The following CCDC178 variants were observed in gnomAD, a reference collection of about 807,000 sequenced individuals.
CCDC178 encodes coiled-coil domain-containing protein 178.
CCDC178 carries 126 observed loss-of-function variants against 117.4 expected under a neutral mutation model. The ratio of observed to expected loss-of-function variants is 1.07; its 90% CI spans 0.93 to 1.24. The LOEUF (loss-of-function observed/expected upper bound fraction) is 1.24. CCDC178 is among the 50% of genes most tolerant of loss of function. The pLI, the probability that CCDC178 is intolerant of heterozygous loss-of-function variation, is 0.00. For missense variants in CCDC178, 1,030 were observed against 986.9 expected (o/e 1.04, Z -0.59); for synonymous variants, 283 against 313.4 (o/e 0.90, Z 1.02).
intron 22 of CCDC178, among the ~76,000 whole-genome samples, chr18:32,970,698 T>C (rs1327422675): frequency 1.3e-5 from 2 of 152,062 alleles, no homozygotes; most frequent in African/African-American, 2.4e-5. Flanking sequence ...ACATAGGGTA[T>C]TATCAAGCCC....
rs533906147 is a variant in CCDC178 at position 33,054,540 on chromosome 18, C to T, written c.2388+38221G>A. The stretch of plus-strand genomic sequence containing the variant: ...TGCAGTGTTTGGTTTTCTCTTCCTG[C>T]GTTAGTTTGATGAGGATAATGGCTT... On this transcript the variant is annotated intron_variant, in intron 21 of 22. Transcript: ENST00000383096. 3.9e-5 allele frequency among the ~76,000 whole-genome samples: 6 copies of T among 152,248 alleles called. No individual in the cohort carries two copies. In the East Asian group the frequency reaches 1.2e-3, roughly 29 times the overall value.
intron 6 of CCDC178, among the ~76,000 whole-genome samples, chr18:33,368,804 T>C (rs1218143038): frequency 6.6e-6 from 1 of 152,024 alleles, no homozygotes; most frequent in East Asian, 1.9e-4. Context: ...AAACATAATG[T>C]CTGACTTATA....
At chr18:33,147,957 C>T (rs1479086582) in intron 20 of CCDC178, among the ~76,000 whole-genome samples, 1 of 151,982 alleles carries the variant, frequency 6.6e-6, no homozygotes, top group Non-Finnish European at 1.5e-5. Context: ...CAGAGGCGCC[C>T]CCACCTCCCG....
chr18:33,056,338 T>C (rs7238775), intron 21 of CCDC178, among the ~76,000 whole-genome samples: 21,682 of 152,222 alleles, frequency 0.14, 2,398 homozygotes, highest in African/African-American at 0.31. Flanking sequence ...TTCTGCTCTC[T>C]GTATTGTATA....
chr18:33,204,951 G>A (rs953728575), intron 20 of CCDC178, among the ~76,000 whole-genome samples: 1 of 151,976 alleles, frequency 6.6e-6, no homozygotes, highest in Admixed American at 6.6e-5. Flanking sequence ...GAAACAAGGA[G>A]GGAGAAAGGA....
chr18:33,160,454 A>T (rs747255303), intron 20 of CCDC178, among the ~76,000 whole-genome samples: 1 of 152,126 alleles, frequency 6.6e-6, no homozygotes, highest in Non-Finnish European at 1.5e-5. Flanking sequence ...TTGTAATTTT[A>T]TATTCAAGTA....
At chr18:33,008,783 C>T (rs1012314455) in intron 21 of CCDC178, among the ~76,000 whole-genome samples, 4 of 151,944 alleles carry the variant, frequency 2.6e-5, no homozygotes, top group African/African-American at 9.7e-5. Context: ...CTGAGATTAC[C>T]TCATTTAGTC....
intron 21 of CCDC178, among the ~76,000 whole-genome samples, chr18:32,975,885 T>C (rs569106878): frequency 6.6e-6 from 1 of 152,242 alleles, no homozygotes; most frequent in South Asian, 2.1e-4. Flanking sequence ...AAAGAGTGTA[T>C]GTAAAATTTG....
chr18:33,045,159 T>C (rs1392946838), intron 21 of CCDC178, among the ~76,000 whole-genome samples: 1 of 152,054 alleles, frequency 6.6e-6, no homozygotes, highest in Non-Finnish European at 1.5e-5. Context: ...TACCCCTAAA[T>C]ATATAAAAAT....
At chr18:33,090,304 A>T (rs1258660452) in intron 21 of CCDC178, among the ~76,000 whole-genome samples, 1 of 152,214 alleles carries the variant, frequency 6.6e-6, no homozygotes, top group Admixed American at 6.5e-5. Context: ...AATAATTAAA[A>T]TATAATTATT....
intron 9 of CCDC178, among the ~76,000 whole-genome samples, chr18:33,334,016 C>A (rs1449924343): frequency 6.6e-6 from 1 of 151,734 alleles, no homozygotes; most frequent in South Asian, 2.1e-4. Flanking sequence ...AGAGTAGAGG[C>A]CTTCCAAAAC....
intron 20 of CCDC178, among the ~76,000 whole-genome samples, chr18:33,167,908 T>A (rs1485261377): frequency 7.0e-6 from 1 of 142,562 alleles, no homozygotes; most frequent in Non-Finnish European, 1.6e-5. Flanking sequence ...ATAATAAAAG[T>A]GTCTGTTCAT....
At chr18:33,405,017 G>A (rs1161983926) in intron 3 of CCDC178, among the ~76,000 whole-genome samples, 1 of 151,964 alleles carries the variant, frequency 6.6e-6, no homozygotes, top group Non-Finnish European at 1.5e-5. Context: ...TTATGAAAGT[G>A]TTCTAGAAAT....
intron 20 of CCDC178, among the ~76,000 whole-genome samples, chr18:33,172,030 C>A (rs1221981179): frequency 6.6e-6 from 1 of 152,122 alleles, no homozygotes; most frequent in Admixed American, 6.5e-5. Flanking sequence ...CCTGCCTCAG[C>A]CTCCTGAGTA....
intron 6 of CCDC178, among the ~76,000 whole-genome samples, chr18:33,358,643 T>C (rs1300533095): frequency 1.3e-5 from 2 of 151,934 alleles, no homozygotes; most frequent in East Asian, 3.9e-4. Flanking sequence ...TTTCACATTA[T>C]TGAGCAAATC....
chr18:33,152,726 A>C (rs992313703), intron 20 of CCDC178, among the ~76,000 whole-genome samples: 1 of 152,080 alleles, frequency 6.6e-6, no homozygotes, highest in Non-Finnish European at 1.5e-5. Context: ...TAAGTGTTGG[A>C]GTGGACTGCT....
intron 4 of CCDC178, among the ~76,000 whole-genome samples, chr18:33,392,418 C>A (rs1319206757): frequency 6.6e-6 from 1 of 152,174 alleles, no homozygotes; most frequent in East Asian, 1.9e-4. Context: ...CTCTAATCTT[C>A]AAACGGATGT....
intron 20 of CCDC178, among the ~76,000 whole-genome samples, chr18:33,120,767 G>C (rs919458530): frequency 3.3e-5 from 5 of 151,906 alleles, no homozygotes; most frequent in Non-Finnish European, 5.9e-5. Context: ...AAATATTTTT[G>C]TTTTCTTCCT....
At chr18:33,411,782 A>G (rs1447697224) in intron 3 of CCDC178, among the ~76,000 whole-genome samples, 2 of 152,082 alleles carry the variant, frequency 1.3e-5, no homozygotes, top group Non-Finnish European at 2.9e-5. Flanking sequence ...CTGCTTACCT[A>G]TTTTATTACC....
Sources: allele counts gnomAD v4.1 joint callset (sites outside exome capture counted in the v4.1 genomes callset), GRCh38; gene constraint gnomAD v4.1.1; transcripts MANE v1.5; gene names NCBI Gene and HGNC (gene_info 2026-07-23, HGNC 2026-07-21).